Variants in NRXN1 observed in about 807,000 individuals in gnomAD.
NRXN1 encodes the protein neurexin-1.
In NRXN1, 39 loss-of-function variants were observed where a neutral mutation model predicts 150.9. The observed-to-expected ratio is 0.26, with a 90% CI of 0.20 to 0.34. The LOEUF is 0.34. NRXN1 is among the 10% of genes least tolerant of loss of function. The pLI is 1.00. For synonymous variants in NRXN1, 924 were observed against 757.0 expected (o/e 1.22, Z -3.62); for missense variants, 1,815 against 1,949.9 (o/e 0.93, Z 1.30).
intron 17 of NRXN1, among the ~76,000 whole-genome samples, chr2:50,313,991 A>G (rs930366754): frequency 2.6e-5 from 4 of 152,104 alleles, no homozygotes; most frequent in Non-Finnish European, 4.4e-5. Flanking sequence ...TTTAATCAAT[A>G]TAATTATTGA....
At chr2:50,549,903 T>A (rs999200721) in intron 9 of NRXN1, among the ~76,000 whole-genome samples, 1 of 150,616 alleles carries the variant, frequency 6.6e-6, no homozygotes, top group African/African-American at 2.5e-5. Flanking sequence ...TACATATGCA[T>A]ATATATACAT....
intron 18 of NRXN1, among the ~76,000 whole-genome samples, chr2:50,223,419 G>A (rs2064076612): frequency 6.6e-6 from 1 of 151,878 alleles, no homozygotes. Context: ...CTTGATTTAG[G>A]TATTTGGAGG....
intron 5 of NRXN1, among the ~76,000 whole-genome samples, chr2:50,697,508 T>A (rs146593438): frequency 6.6e-6 from 1 of 152,294 alleles, no homozygotes; most frequent in Non-Finnish European, 1.5e-5. Flanking sequence ...ATTGGTTTTG[T>A]CAGTTGTACC....
intron 5 of NRXN1, among the ~76,000 whole-genome samples, chr2:50,674,803 T>C (rs1038297191): frequency 6.6e-6 from 1 of 152,036 alleles, no homozygotes; most frequent in Non-Finnish European, 1.5e-5. Context: ...GCAAAGATAA[T>C]AAGTTTAATT....
intron 21 of NRXN1, among the ~76,000 whole-genome samples, chr2:49,980,099 T>G (rs560459393): frequency 6.6e-6 from 1 of 152,246 alleles, no homozygotes; most frequent in African/African-American, 2.4e-5. Flanking sequence ...TCAGAGGGAT[T>G]AAATAACATA....
At chr2:50,252,258 C>CTTTTTTTTTTTTTTTTTTTTTTTCT (rs143522284) in intron 17 of NRXN1, among the ~76,000 whole-genome samples, 2 of 69,708 alleles carry the variant, frequency 2.9e-5, no homozygotes, top group Non-Finnish European at 2.5e-5. Flanking sequence ...TTTTTCTTTT[C>CTTTTTTTTTTTTTTTTTTTTTTTCT]TTTTTTTTTT....
intron 5 of NRXN1, among the ~76,000 whole-genome samples, chr2:50,674,386 G>A (rs1574056956): frequency 6.6e-6 from 1 of 152,106 alleles, no homozygotes; most frequent in African/African-American, 2.4e-5. Context: ...CACAACCAAT[G>A]ACTCAGGCAG....
At chr2:50,624,523 G>A (rs1453777346) in intron 5 of NRXN1, among the ~76,000 whole-genome samples, 1 of 152,164 alleles carries the variant, frequency 6.6e-6, no homozygotes, top group South Asian at 2.1e-4. Context: ...TTATCATTGA[G>A]AGACCATAGA....
At chr2:50,401,046 C>G (rs960702003) in intron 17 of NRXN1, among the ~76,000 whole-genome samples, 1 of 152,090 alleles carries the variant, frequency 6.6e-6, no homozygotes, top group Non-Finnish European at 1.5e-5. Flanking sequence ...TTCTGATACT[C>G]AGAAAAGTGG....
intron 13 of NRXN1, among the ~76,000 whole-genome samples, chr2:50,503,853 G>C (rs1193021922): frequency 6.6e-6 from 1 of 152,084 alleles, no homozygotes; most frequent in Non-Finnish European, 1.5e-5. Context: ...GGAGAAACTG[G>C]ACAACATGTT....
chr2:50,748,984 C>G (rs549892044), intron 5 of NRXN1, among the ~76,000 whole-genome samples: 1 of 152,056 alleles, frequency 6.6e-6, no homozygotes, highest in Admixed American at 6.6e-5. Context: ...GATAAACATG[C>G]ATGCTCACAG....
At chr2:50,008,348 C>T (rs2152541918) in intron 21 of NRXN1, among the ~76,000 whole-genome samples, 1 of 152,156 alleles carries the variant, frequency 6.6e-6, no homozygotes, top group South Asian at 2.1e-4. Flanking sequence ...AGTTAGCTTC[C>T]TTTACTGTTT....
At chr2:50,675,430 TGGA>T (rs1368964760) in intron 5 of NRXN1, among the ~76,000 whole-genome samples, 2 of 152,162 alleles carry the variant, frequency 1.3e-5, no homozygotes, top group African/African-American at 2.4e-5. Flanking sequence ...TACAACTGCT[TGGA>T]AAGCATAGTT....
intron 17 of NRXN1, among the ~76,000 whole-genome samples, chr2:50,404,290 C>A (rs1231771006): frequency 6.6e-6 from 1 of 152,026 alleles, no homozygotes; most frequent in African/African-American, 2.4e-5. Context: ...CTGGTCCTTG[C>A]TATAAAAGTA....
intron 5 of NRXN1, among the ~76,000 whole-genome samples, chr2:50,645,799 G>C (rs974828875): frequency 4.6e-5 from 7 of 151,884 alleles, no homozygotes; most frequent in African/African-American, 1.7e-4. Flanking sequence ...CTTGATTACA[G>C]AGCTCAAAGA....
chr2:50,355,458 G>A, intron 17 of NRXN1, among the ~76,000 whole-genome samples: 1 of 151,834 alleles, frequency 6.6e-6, no homozygotes, highest in Non-Finnish European at 1.5e-5. Context: ...CATGCCTCTT[G>A]TTTTACCTCC....
chr2:51,022,820 T>C (rs769917241), intron 2 of NRXN1, among the ~76,000 whole-genome samples: 3 of 152,196 alleles, frequency 2.0e-5, no homozygotes, highest in Non-Finnish European at 4.4e-5. Context: ...AAACAACAAA[T>C]ATATTTTGTC....
chr2:49,985,247 A>G (rs1436217554), intron 21 of NRXN1, among the ~76,000 whole-genome samples: 1 of 152,222 alleles, frequency 6.6e-6, no homozygotes, highest in Non-Finnish European at 1.5e-5. Flanking sequence ...CTTATTAACT[A>G]TTAAGATGAA....
chr2:50,560,977 T>G (rs1668986668), intron 8 of NRXN1, among the ~76,000 whole-genome samples: 1 of 152,070 alleles, frequency 6.6e-6, no homozygotes, highest in Admixed American at 6.5e-5. Flanking sequence ...AACAAAAAAA[T>G]AGTTAAAAAT....
Sources: gnomAD v4.1 joint callset for allele counts (sites outside exome capture counted in the v4.1 genomes callset) on GRCh38, gnomAD v4.1.1 for gene constraint, MANE v1.5 for transcripts, NCBI Gene and HGNC (gene_info 2026-07-23, HGNC 2026-07-21) for gene names.